ADAMTS3: variants seen among roughly 807,000 people sequenced by gnomAD.
The protein encoded by ADAMTS3 is ADAM metallopeptidase with thrombospondin type 1 motif 3.
A neutral mutation model predicts 129.0 loss-of-function variants in ADAMTS3; 73 were observed. The ratio of observed to expected loss-of-function variants is 0.57; its 90% CI spans 0.47 to 0.69. The LOEUF is 0.69. Ranked by LOEUF, ADAMTS3 falls within the 30% of genes least tolerant of loss-of-function variation. The pLI, the probability that ADAMTS3 is intolerant of heterozygous loss-of-function variation, is 0.00. For synonymous variants in ADAMTS3, 477 were observed against 510.8 expected, an observed-to-expected ratio of 0.93 and a Z score of 0.89; for missense variants, 1,457 against 1,514.5, an observed-to-expected ratio of 0.96 and a Z score of 0.63.
intron 3 of ADAMTS3, among the ~76,000 whole-genome samples, chr4:72,518,475 T>C (rs1720559933): frequency 6.6e-6 from 1 of 152,050 alleles, no homozygotes; most frequent in Admixed American, 6.6e-5. Flanking sequence ...GGAGTCTAAG[T>C]CTCTTTGTAG....
Position 72,487,997 on chromosome 4 carries a change from A to G in ADAMTS3, c.504+60481T>C, listed in dbSNP as rs536606235. ...GAAATGGAGAAAGAAAAAAATAAATAAATGCCCAAATATTGTGCACTTTGG... is the reference window on the plus strand; with the variant it reads ...GAAATGGAGAAAGAAAAAAATAAATGAATGCCCAAATATTGTGCACTTTGG... On this transcript the variant is annotated intron_variant, in intron 3 of 21. Transcript: ENST00000286657. 1.2e-4 allele frequency among the ~76,000 whole-genome samples: 19 copies of G among 152,186 alleles called. 1 individual carries two copies. Among genetic ancestry groups the G allele is most frequent in the Middle Eastern group, 3.4e-3 (1 of 294 alleles).
chr4:72,324,847 G>C (rs1287934792), intron 5 of ADAMTS3, among the ~76,000 whole-genome samples: 2 of 152,144 alleles, frequency 1.3e-5, no homozygotes, highest in African/African-American at 4.8e-5. Context: ...GCCAGAAAAT[G>C]TGTCTTATAA....
rs986924568 is a variant in ADAMTS3 at position 72,443,819 on chromosome 4, T to C, written c.505-28848A>G. The stretch of plus-strand genomic sequence containing the variant: ...TGGCAGTAGAAAAGAGTAATACTGG[T>C]CATTTTGGTGATCATCTGTGGTCAT... On this transcript the variant is annotated intron_variant, in intron 3 of 21. Transcript: ENST00000286657. 4.6e-5 allele frequency among the ~76,000 whole-genome samples: 7 copies of C among 151,794 alleles called. 1 individual carries two copies. Among genetic ancestry groups the C allele is most frequent in the Admixed American group, 3.9e-4 (6 of 15,232 alleles).
intron 3 of ADAMTS3, among the ~76,000 whole-genome samples, chr4:72,494,651 T>C (rs551081690): frequency 6.6e-6 from 1 of 152,344 alleles, no homozygotes; most frequent in East Asian, 1.9e-4. Context: ...TTGTGTTTCC[T>C]GTAGCCTTGC....
intron 3 of ADAMTS3, among the ~76,000 whole-genome samples, chr4:72,522,021 C>G (rs980407129): frequency 2.0e-5 from 3 of 152,074 alleles, no homozygotes; most frequent in African/African-American, 7.2e-5. Flanking sequence ...AAGGAGAACT[C>G]AAGAATTTCA....
intron 3 of ADAMTS3, among the ~76,000 whole-genome samples, chr4:72,453,031 T>C (rs181500848): frequency 6.6e-6 from 1 of 151,886 alleles, no homozygotes; most frequent in African/African-American, 2.4e-5. Context: ...TGCTATTACA[T>C]TTGCATCTCA....
rs1166757342 is a variant in ADAMTS3, at chr4:72,313,841, G to A, written c.1600-19C>T. 2 of 1,612,754 alleles carry A rather than the reference G, an allele frequency of 1.2e-6. No homozygotes were observed. The highest frequency in any genetic ancestry group is 1.7e-6 in the Non-Finnish European group (2 of 1,179,270). On this transcript the variant is annotated intron_variant, in intron 11 of 21. Coordinates refer to ENST00000286657, the MANE Select transcript of ADAMTS3 (RefSeq NM_014243.3). ...AGCACCACTTAGAAAAATGACAAAA[G>A]GTAATTATTAAAATCACGCATACAC...
rs1271745752 is a variant in ADAMTS3, at chr4:72,339,049, TAAC to T, written c.861+442_861+444del. 9.2e-5 allele frequency among the ~76,000 whole-genome samples: 14 copies of T among 152,318 alleles called. No individual in the cohort carries two copies. In the Middle Eastern group the frequency reaches 0.014, roughly 148 times the overall value. On this transcript the variant is annotated intron_variant, in intron 5 of 21. Coordinates refer to ENST00000286657, the MANE Select transcript of ADAMTS3 (RefSeq NM_014243.3). ...AATCACATTTGTTCAAAAGCTGTAA[TAAC>T]AAGAATCCACAGAGTTACCAGGCAT...
At chr4:72,516,211 C>T (rs558655330) in intron 3 of ADAMTS3, among the ~76,000 whole-genome samples, 1 of 152,238 alleles carries the variant, frequency 6.6e-6, no homozygotes, top group East Asian at 1.9e-4. Flanking sequence ...TGTTTTGGTA[C>T]CAGTACCATG....
chr4:72,421,721 CAT>C (rs996504499), intron 3 of ADAMTS3, among the ~76,000 whole-genome samples: 1 of 152,120 alleles, frequency 6.6e-6, no homozygotes, highest in African/African-American at 2.4e-5. Context: ...GTCAAAACCA[CAT>C]GTTTTTCAGA....
At chr4:72,374,884 A>G (rs1359042611) in intron 4 of ADAMTS3, among the ~76,000 whole-genome samples, 1 of 152,202 alleles carries the variant, frequency 6.6e-6, no homozygotes, top group African/African-American at 2.4e-5. Context: ...ATAAGCAACT[A>G]CCACCTTTAA....
chr4:72,333,411 G>A (rs1719901294), intron 5 of ADAMTS3, among the ~76,000 whole-genome samples: 1 of 152,042 alleles, frequency 6.6e-6, no homozygotes, highest in Non-Finnish European at 1.5e-5. Flanking sequence ...TCAGCCCATG[G>A]ATTCAATAGC....
chr4:72,364,489 C>T (rs1359842855), intron 4 of ADAMTS3, among the ~76,000 whole-genome samples: 1 of 151,912 alleles, frequency 6.6e-6, no homozygotes, highest in Non-Finnish European at 1.5e-5. Context: ...GTGGCACACG[C>T]CTGTAATCCC....
rs553621017 is a variant in ADAMTS3, at chr4:72,478,895, A to G, written c.505-63924T>C. Among the ~76,000 whole-genome samples the G allele has an allele frequency of 2.0e-3, 301 of 151,990 alleles. 1 individual carries two copies. Among genetic ancestry groups the G allele is most frequent in the African/African-American group, 6.8e-3 (281 of 41,444 alleles). On this transcript the variant is annotated intron_variant, in intron 3 of 21. Transcript: ENST00000286657. ...AAAATCACAAGCATTCTTATACACC[A>G]ATAACAGACAAACAGAGAGCCAAAT...
At chr4:72,450,242 C>A (rs558567427) in intron 3 of ADAMTS3, among the ~76,000 whole-genome samples, 13 of 151,810 alleles carry the variant, frequency 8.6e-5, no homozygotes, top group African/African-American at 2.9e-4. Flanking sequence ...CCTCATACAA[C>A]CCCTGCTTGA....
At chr4:72,401,569 A>C (rs1342720074) in intron 4 of ADAMTS3, among the ~76,000 whole-genome samples, 1 of 139,382 alleles carries the variant, frequency 7.2e-6, no homozygotes, top group Non-Finnish European at 1.6e-5. Flanking sequence ...TCTGTCTCAA[A>C]AAAAAAAAAA....
intron 5 of ADAMTS3, among the ~76,000 whole-genome samples, chr4:72,333,041 T>C (rs1190222629): frequency 6.6e-6 from 1 of 152,202 alleles, no homozygotes; most frequent in Non-Finnish European, 1.5e-5. Flanking sequence ...TGTCTGACCC[T>C]GGGAACATCA....
chr4:72,360,555 T>G (rs1720695821), intron 4 of ADAMTS3, among the ~76,000 whole-genome samples: 1 of 151,954 alleles, frequency 6.6e-6, no homozygotes, highest in Non-Finnish European at 1.5e-5. Flanking sequence ...AAATTTACAA[T>G]TTTACGTAAA....
Position 72,289,951 on chromosome 4 carries a change from T to A in ADAMTS3, c.2931+904A>T, listed in dbSNP as rs778786818. Among the ~76,000 whole-genome samples, 40 of 152,186 alleles carry A rather than the reference T, an allele frequency of 2.6e-4. 1 individual carries two copies. The highest frequency in any genetic ancestry group is 9.6e-4 in the African/African-American group (40 of 41,460). The stretch of plus-strand genomic sequence containing the variant: ...AGCAGCAAGAAATAGATAAGACAAC[T>A]TGCTTGTTTCTTCCTTTCTGGGCTT... On this transcript the variant is annotated intron_variant, in intron 20 of 21. Transcript: ENST00000286657.
Sources: allele counts gnomAD v4.1 joint callset (sites outside exome capture counted in the v4.1 genomes callset), GRCh38; gene constraint gnomAD v4.1.1; transcripts MANE v1.5; gene names NCBI Gene and HGNC (gene_info 2026-07-23, HGNC 2026-07-21).